Variants in ZMAT4 observed in about 807,000 individuals in gnomAD.
ZMAT4 encodes the protein zinc finger matrin-type protein 4.
ZMAT4 carries 17 observed loss-of-function variants against 28.7 expected under a neutral mutation model. That is an observed-to-expected ratio of 0.59 (90% CI 0.41 to 0.89). ZMAT4 has a LOEUF of 0.89. ZMAT4 is among the 40% of genes least tolerant of loss of function. ZMAT4 has a pLI of 0.00. For missense variants in ZMAT4, 240 were observed against 283.8 expected (o/e 0.85, Z 1.11); for synonymous variants, 117 against 109.2 (o/e 1.07, Z -0.44).
At chr8:40,583,777 C>T (rs931312130) in intron 5 of ZMAT4, among the ~76,000 whole-genome samples, 1 of 152,100 alleles carries the variant, frequency 6.6e-6, no homozygotes. Flanking sequence ...GGTGGGACAA[C>T]TTGAGGCGGG....
intron 3 of ZMAT4, among the ~76,000 whole-genome samples, chr8:40,725,654 C>A (rs536157890): frequency 6.6e-6 from 1 of 152,110 alleles, no homozygotes; most frequent in Admixed American, 6.5e-5. Context: ...CCTTTAAAGT[C>A]ATGATTTCCA....
intron 5 of ZMAT4, among the ~76,000 whole-genome samples, chr8:40,598,084 A>G (rs1056898242): frequency 6.6e-6 from 1 of 152,202 alleles, no homozygotes; most frequent in Non-Finnish European, 1.5e-5. Context: ...TTATACCACA[A>G]TTCAGAAAAA....
intron 1 of ZMAT4, among the ~76,000 whole-genome samples, chr8:40,887,721 A>C (rs911528077): frequency 6.6e-6 from 1 of 152,120 alleles, no homozygotes; most frequent in African/African-American, 2.4e-5. Context: ...CAGAGGGGAA[A>C]GAACAGGTAT....
At chr8:40,561,521 G>A (rs1168255927) in intron 6 of ZMAT4, among the ~76,000 whole-genome samples, 3 of 152,088 alleles carry the variant, frequency 2.0e-5, no homozygotes, top group African/African-American at 7.2e-5. Flanking sequence ...TCGGGTTTCA[G>A]TCTGTCCTTA....
chr8:40,708,118 G>A (rs1318480488), intron 3 of ZMAT4, among the ~76,000 whole-genome samples: 1 of 152,194 alleles, frequency 6.6e-6, no homozygotes, highest in Non-Finnish European at 1.5e-5. Context: ...AAATAAACCA[G>A]TAATAGCACA....
chr8:40,607,907 T>C (rs748679603), intron 5 of ZMAT4, among the ~76,000 whole-genome samples: 1 of 152,086 alleles, frequency 6.6e-6, no homozygotes, highest in African/African-American at 2.4e-5. Flanking sequence ...CAGCCATGGA[T>C]ACCAGCACCC....
At chr8:40,660,966 T>C (rs1325688861) in intron 5 of ZMAT4, among the ~76,000 whole-genome samples, 3 of 152,350 alleles carry the variant, frequency 2.0e-5, no homozygotes, top group South Asian at 2.1e-4. Context: ...TGTCTTTTTT[T>C]AGATATCAGG....
intron 2 of ZMAT4, among the ~76,000 whole-genome samples, chr8:40,769,351 G>A (rs1586022733): frequency 6.6e-6 from 1 of 152,028 alleles, no homozygotes; most frequent in East Asian, 1.9e-4. Flanking sequence ...ATTATTTTGC[G>A]GCTTCTACAT....
At chr8:40,868,952 A>C (rs1479620607) in intron 1 of ZMAT4, among the ~76,000 whole-genome samples, 11 of 152,088 alleles carry the variant, frequency 7.2e-5, no homozygotes, top group Non-Finnish European at 1.6e-4. Flanking sequence ...ATTATACCAA[A>C]CTGCAGTGCC....
chr8:40,741,379 A>G (rs915385112), intron 3 of ZMAT4, among the ~76,000 whole-genome samples: 1 of 151,646 alleles, frequency 6.6e-6, no homozygotes, highest in African/African-American at 2.4e-5. Context: ...CCTAGGGGGC[A>G]GAGGTTGCAG....
intron 5 of ZMAT4, among the ~76,000 whole-genome samples, chr8:40,612,776 G>T: frequency 7.8e-6 from 1 of 127,898 alleles, no homozygotes; most frequent in South Asian, 2.5e-4. Context: ...TATTCAATGG[G>T]TTTCTACCCA....
chr8:40,835,256 CAA>C (rs886299756), intron 1 of ZMAT4, among the ~76,000 whole-genome samples: 38 of 152,204 alleles, frequency 2.5e-4, no homozygotes, highest in African/African-American at 8.9e-4. Context: ...CACTAGCCTG[CAA>C]AGAGAAGCAG....
Position 40,838,705 on chromosome 8 carries a change from C to T in ZMAT4, c.-4-13025G>A, listed in dbSNP as rs74614849. On this transcript the variant is annotated intron_variant, in intron 1 of 6. Coordinates refer to ENST00000297737, the MANE Select transcript of ZMAT4 (RefSeq NM_024645.3). ...GCCACCAGCCCTGCCCCTCCTAACA[C>T]CCTCTCACGCTTGCCAGGTGGGGGA... 5.0e-3 allele frequency among the ~76,000 whole-genome samples: 763 copies of T among 152,264 alleles called. 36 individuals are homozygous for T. In the East Asian group the frequency reaches 0.13, roughly 26 times the overall value.
At chr8:40,876,602 A>G (rs1211304021) in intron 1 of ZMAT4, among the ~76,000 whole-genome samples, 3 of 152,232 alleles carry the variant, frequency 2.0e-5, no homozygotes, top group Non-Finnish European at 2.9e-5. Context: ...GGCATGAGCC[A>G]CTGCACCCGG....
intron 3 of ZMAT4, among the ~76,000 whole-genome samples, chr8:40,733,942 T>C (rs1811648958): frequency 6.6e-6 from 1 of 152,112 alleles, no homozygotes; most frequent in South Asian, 2.1e-4. Context: ...CATCCAGAAG[T>C]GATCTGTAAA....
In ZMAT4 at chr8:40,897,702, G is replaced by A. The variant is rs1818926509; in HGVS notation, c.-24C>T. 1 of 152,350 alleles carries A rather than the reference G, an allele frequency of 6.6e-6. No individual in the cohort carries two copies. Among genetic ancestry groups the A allele is most frequent in the Non-Finnish European group, 1.5e-5 (1 of 68,160 alleles). The allele number at this position is 152,350 out of a possible 1,614,324, so 9.4% of individuals were successfully genotyped here. A position where few individuals can be genotyped will look rare whatever the true frequency, so the allele number is the denominator to read the frequency against. ...AGGTACCTTTTCCGCGAGGCAGAGG[G>A]GCCGCCGGTGCCCAGAGGCCAGCTG... On this transcript the variant is annotated 5_prime_UTR_variant, in exon 1 of 7. Coordinates refer to ENST00000297737, the MANE Select transcript of ZMAT4 (RefSeq NM_024645.3).
At chr8:40,788,648 C>T (rs911567147) in intron 2 of ZMAT4, among the ~76,000 whole-genome samples, 6 of 151,530 alleles carry the variant, frequency 4.0e-5, no homozygotes, top group Non-Finnish European at 8.8e-5. Context: ...TTCTACCAAA[C>T]ATTAACAAAA....
intron 2 of ZMAT4, among the ~76,000 whole-genome samples, chr8:40,779,970 C>T (rs1311630092): frequency 6.6e-6 from 1 of 152,182 alleles, no homozygotes; most frequent in East Asian, 1.9e-4. Flanking sequence ...TAATGCCTTC[C>T]AGCTCTCAAG....
intron 3 of ZMAT4, among the ~76,000 whole-genome samples, chr8:40,733,583 T>C (rs1226482996): frequency 6.6e-6 from 1 of 152,086 alleles, no homozygotes; most frequent in Non-Finnish European, 1.5e-5. Context: ...CTATTACAAG[T>C]TGTGTCAAGA....
Sources: gnomAD v4.1 joint callset for allele counts (sites outside exome capture counted in the v4.1 genomes callset) on GRCh38, gnomAD v4.1.1 for gene constraint, MANE v1.5 for transcripts, NCBI Gene and HGNC (gene_info 2026-07-23, HGNC 2026-07-21) for gene names.